Variants in TENM3 observed in about 807,000 individuals in gnomAD.
TENM3 encodes the protein teneurin transmembrane protein 3, also known as teneurin-3.
TENM3 carries 63 observed loss-of-function variants against 255.1 expected under a neutral mutation model. The ratio of observed to expected loss-of-function variants is 0.25; its 90% CI spans 0.20 to 0.30. The LOEUF (loss-of-function observed/expected upper bound fraction) is 0.30, where lower values mean the gene tolerates loss of function less well. Ranked by LOEUF, TENM3 falls within the 10% of genes least tolerant of loss-of-function variation. The pLI is 1.00. For synonymous variants in TENM3, 1,306 were observed against 1,322.3 expected, an observed-to-expected ratio of 0.99 and a Z score of 0.27; for missense variants, 2,929 against 3,461.1, an observed-to-expected ratio of 0.85 and a Z score of 3.86.
the TENM3 span, among the ~76,000 whole-genome samples, chr4:181,907,235 A>G: frequency 3.9e-5 from 6 of 152,148 alleles, no homozygotes; most frequent in African/African-American, 1.4e-4. Flanking sequence ...ATTCATGATG[A>G]TGCTTCAAAG....
At chr4:181,748,277 G>A in the TENM3 span, among the ~76,000 whole-genome samples, 1 of 151,952 alleles carries the variant, frequency 6.6e-6, no homozygotes, top group South Asian at 2.1e-4. Flanking sequence ...GTGCATGGTA[G>A]GTTTGATCAT....
chr4:182,002,176 A>T, the TENM3 span, among the ~76,000 whole-genome samples: 1 of 152,028 alleles, frequency 6.6e-6, no homozygotes, highest in East Asian at 1.9e-4. Flanking sequence ...CCAGAAGGAA[A>T]CTCTTTCAAA....
At chr4:182,572,714 G>C (rs1028682257) in intron 3 of TENM3, among the ~76,000 whole-genome samples, 3 of 152,168 alleles carry the variant, frequency 2.0e-5, no homozygotes, top group Non-Finnish European at 2.9e-5. Context: ...ACTTCCTGTA[G>C]TGGTTTTAAA....
chr4:181,729,864 C>T, the TENM3 span, among the ~76,000 whole-genome samples: 1 of 152,104 alleles, frequency 6.6e-6, no homozygotes, highest in African/African-American at 2.4e-5. Flanking sequence ...TCCATTAGAC[C>T]GAATTTAAAT....
At chr4:182,027,513 T>C in the TENM3 span, among the ~76,000 whole-genome samples, 1 of 151,992 alleles carries the variant, frequency 6.6e-6, no homozygotes, top group Admixed American at 6.6e-5. Context: ...CTATATTGAA[T>C]AACAGTGATG....
the TENM3 span, among the ~76,000 whole-genome samples, chr4:182,118,455 AT>A: frequency 2.6e-5 from 4 of 151,488 alleles, no homozygotes; most frequent in African/African-American, 9.7e-5. Flanking sequence ...TTTTTTATTT[AT>A]TTTTTTAGAG....
chr4:181,910,171 A>G, the TENM3 span, among the ~76,000 whole-genome samples: 3 of 152,202 alleles, frequency 2.0e-5, no homozygotes, highest in Admixed American at 1.3e-4. Context: ...GAATATATCC[A>G]TGCATATATA....
rs570102167 is a variant in TENM3, at chr4:182,755,416, C to T, written c.4892+157C>T. ...TCCCGGCTGGGCACGGTGGCTCATT[C>T]CCGTAGTCTCAGCTCCTGGGGAGGC... On this transcript the variant is annotated intron_variant, in intron 22 of 27. Transcript: ENST00000511685. 105 of 677,280 alleles carry T rather than the reference C, an allele frequency of 1.6e-4. No homozygotes were observed. In the East Asian group the frequency reaches 3.0e-3, roughly 19 times the overall value. The allele number at this position is 677,280 out of a possible 1,614,324, so 42.0% of individuals were successfully genotyped here. A position where few individuals can be genotyped will look rare whatever the true frequency, so the allele number is the denominator to read the frequency against.
the TENM3 span, among the ~76,000 whole-genome samples, chr4:181,631,092 A>G: frequency 6.6e-6 from 1 of 152,122 alleles, no homozygotes; most frequent in Non-Finnish European, 1.5e-5. Flanking sequence ...CTGGGAAACA[A>G]CTACTTGCAA....
the TENM3 span, among the ~76,000 whole-genome samples, chr4:181,804,526 G>T: frequency 1.3e-5 from 2 of 152,132 alleles, no homozygotes; most frequent in Non-Finnish European, 2.9e-5. Flanking sequence ...TTCAAATTAG[G>T]AATGATCTCA....
At chr4:182,138,270 G>A in the TENM3 span, among the ~76,000 whole-genome samples, 160 of 152,118 alleles carry the variant, frequency 1.1e-3, no homozygotes, top group Non-Finnish European at 2.0e-3. Context: ...TGTGATAAGC[G>A]GTCATCATCT....
At chr4:182,762,345 A>G (rs1374274836) in intron 22 of TENM3, among the ~76,000 whole-genome samples, 1 of 152,198 alleles carries the variant, frequency 6.6e-6, no homozygotes, top group Non-Finnish European at 1.5e-5. Flanking sequence ...AGATGATTTG[A>G]TGGCCTCATA....
At chr4:182,741,385 G>A (rs1199691689) in intron 18 of TENM3, among the ~76,000 whole-genome samples, 1 of 152,206 alleles carries the variant, frequency 6.6e-6, no homozygotes, top group African/African-American at 2.4e-5. Flanking sequence ...AGGAAGAAGA[G>A]AATACGGAAA....
At chr4:181,787,759 G>T in the TENM3 span, among the ~76,000 whole-genome samples, 1 of 152,098 alleles carries the variant, frequency 6.6e-6, no homozygotes, top group African/African-American at 2.4e-5. Context: ...CCTGTTTCAA[G>T]ATGTCCTGCC....
chr4:182,531,826 GA>G (rs1397910285), intron 3 of TENM3, among the ~76,000 whole-genome samples: 1 of 152,218 alleles, frequency 6.6e-6, no homozygotes, highest in African/African-American at 2.4e-5. Context: ...CAGGCTCACA[GA>G]AGGAAAGCGG....
the TENM3 span, among the ~76,000 whole-genome samples, chr4:181,721,498 G>T: frequency 6.6e-5 from 8 of 121,762 alleles, no homozygotes; most frequent in Admixed American, 1.9e-4. Flanking sequence ...TACTCGGGAG[G>T]CTGAGGCAGG....
chr4:182,546,088 T>C (rs1182526600), intron 3 of TENM3, among the ~76,000 whole-genome samples: 6 of 152,182 alleles, frequency 3.9e-5, no homozygotes, highest in Admixed American at 1.3e-4. Context: ...TTCTTACTGT[T>C]CATTAAGTGG....
intron 6 of TENM3, among the ~76,000 whole-genome samples, chr4:182,661,413 G>A (rs1184119389): frequency 6.6e-6 from 1 of 152,032 alleles, no homozygotes; most frequent in Non-Finnish European, 1.5e-5. Flanking sequence ...CAGTCTGACA[G>A]CAGGTTGCAG....
intron 1 of TENM3, among the ~76,000 whole-genome samples, chr4:182,155,243 G>A (rs767558045): frequency 1.3e-5 from 2 of 152,096 alleles, no homozygotes; most frequent in Non-Finnish European, 2.9e-5. Context: ...GAGGCTACAA[G>A]CTTCTAAAAG....
Sources: gnomAD v4.1 joint callset for allele counts (sites outside exome capture counted in the v4.1 genomes callset) on GRCh38, gnomAD v4.1.1 for gene constraint, MANE v1.5 for transcripts, NCBI Gene and HGNC (gene_info 2026-07-23, HGNC 2026-07-21) for gene names.